TGFBR2: variants seen among roughly 807,000 people sequenced by gnomAD.
The protein encoded by TGFBR2 is transforming growth factor beta receptor 2.
TGFBR2 carries 18 observed loss-of-function variants against 49.0 expected under a neutral mutation model. The ratio of observed to expected loss-of-function variants is 0.37; its 90% CI spans 0.25 to 0.54. The LOEUF (loss-of-function observed/expected upper bound fraction) is 0.54. Ranked by LOEUF, TGFBR2 falls within the 20% of genes least tolerant of loss-of-function variation. The pLI, the probability that TGFBR2 is intolerant of heterozygous loss-of-function variation, is 0.85. For missense variants in TGFBR2, 525 were observed against 722.6 expected (o/e 0.73, Z 3.13); for synonymous variants, 282 against 275.9 (o/e 1.02, Z -0.22).
intron 3 of TGFBR2, among the ~76,000 whole-genome samples, chr3:30,657,991 G>A (rs1699039906): frequency 6.6e-6 from 1 of 152,172 alleles, no homozygotes; most frequent in Non-Finnish European, 1.5e-5. Flanking sequence ...TACCGAGCAG[G>A]GGTCTGCAAA....
At chr3:30,622,130 A>G (rs1437661723) in intron 1 of TGFBR2, among the ~76,000 whole-genome samples, 1 of 152,228 alleles carries the variant, frequency 6.6e-6, no homozygotes, top group Non-Finnish European at 1.5e-5. Flanking sequence ...TTTGATTATG[A>G]TCAGCACTTT....
chr3:30,645,305 C>T (rs1269418383), intron 2 of TGFBR2, among the ~76,000 whole-genome samples: 1 of 152,034 alleles, frequency 6.6e-6, no homozygotes, highest in African/African-American at 2.4e-5. Flanking sequence ...GAGGCAATCT[C>T]AGGTCTGGAA....
At position 30,692,653 on chromosome 3, in the gene TGFBR2, A is replaced by C. The variant is rs1311106061; in HGVS notation, c.*1054A>C. 3 of 233,102 alleles carry C rather than the reference A, an allele frequency of 1.3e-5. No individual in the cohort carries two copies. The Admixed American group carries it at 1.7e-4, about 13-fold the overall frequency. 14.4% of individuals were successfully genotyped at this position (233,102 alleles called of 1,614,324 possible). On this transcript the variant is annotated 3_prime_UTR_variant, in exon 7 of 7. Coordinates refer to ENST00000295754, the MANE Select transcript of TGFBR2 (RefSeq NM_003242.6). ...TTCTATACAAACACCAATGGGTTCC[A>C]TCTTTCTGGGCTCCTGATTGCTCAA...
intron 3 of TGFBR2, among the ~76,000 whole-genome samples, chr3:30,658,874 C>T (rs1575151136): frequency 6.6e-6 from 1 of 152,242 alleles, no homozygotes; most frequent in South Asian, 2.1e-4. Flanking sequence ...TCCTTAATGT[C>T]GTTGCTTTAC....
rs1332891230 is a variant in TGFBR2, at chr3:30,692,716, A to G, written c.*1117A>G. Reference sequence around the variant, plus strand: ...CTGATGAAGAGGATTTCAACTACACAATACTATCATTGTCAGGACTATGAC... The same window carrying G: ...CTGATGAAGAGGATTTCAACTACACGATACTATCATTGTCAGGACTATGAC... On this transcript the variant is annotated 3_prime_UTR_variant, in exon 7 of 7. Coordinates refer to ENST00000295754, the MANE Select transcript of TGFBR2 (RefSeq NM_003242.6). 3 of 232,980 alleles carry G rather than the reference A, an allele frequency of 1.3e-5. No homozygotes were observed. Among genetic ancestry groups the G allele is most frequent in the African/African-American group, 2.2e-5 (1 of 45,194 alleles). 14.4% of individuals were successfully genotyped at this position (232,980 alleles called of 1,614,324 possible).
chr3:30,608,113 A>G (rs1325118516), intron 1 of TGFBR2, among the ~76,000 whole-genome samples: 1 of 151,694 alleles, frequency 6.6e-6, no homozygotes, highest in Non-Finnish European at 1.5e-5. Context: ...TAATTTTTGT[A>G]TTTTTAGTAG....
chr3:30,639,756 C>CA (rs1039372135), intron 1 of TGFBR2, among the ~76,000 whole-genome samples: 1 of 152,064 alleles, frequency 6.6e-6, no homozygotes, highest in African/African-American at 2.4e-5. Context: ...TTTCCCCCCA[C>CA]AAAAAACACT....
intron 1 of TGFBR2, among the ~76,000 whole-genome samples, chr3:30,608,640 A>G (rs1697979067): frequency 6.6e-6 from 1 of 152,192 alleles, no homozygotes. Flanking sequence ...ACTTTTTAAA[A>G]ATTATGGCAT....
At chr3:30,607,507 A>G (rs1307581861) in intron 1 of TGFBR2, among the ~76,000 whole-genome samples, 1 of 152,202 alleles carries the variant, frequency 6.6e-6, no homozygotes, top group Non-Finnish European at 1.5e-5. Context: ...TTTTGGAAAC[A>G]AGTTTCAAGA....
intron 1 of TGFBR2, among the ~76,000 whole-genome samples, chr3:30,620,517 A>C (rs1698210098): frequency 6.6e-6 from 1 of 151,998 alleles, no homozygotes; most frequent in Non-Finnish European, 1.5e-5. Context: ...TGTTCTTTAC[A>C]GTGGAGACTT....
At chr3:30,610,537 G>C (rs955933324) in intron 1 of TGFBR2, among the ~76,000 whole-genome samples, 2 of 152,126 alleles carry the variant, frequency 1.3e-5, no homozygotes, top group African/African-American at 4.8e-5. Context: ...TTGAGGATAG[G>C]CTGGTGGTAG....
At chr3:30,679,560 T>C (rs1699499719) in intron 5 of TGFBR2, among the ~76,000 whole-genome samples, 2 of 152,346 alleles carry the variant, frequency 1.3e-5, no homozygotes, top group South Asian at 4.1e-4. Context: ...AGGCTTCTTA[T>C]TGAAAGTACA....
intron 3 of TGFBR2, among the ~76,000 whole-genome samples, chr3:30,653,280 C>A: frequency 8.6e-6 from 1 of 115,768 alleles, no homozygotes; most frequent in African/African-American, 3.3e-5. Flanking sequence ...GAGACAGAGT[C>A]TCACTCTGTC....
chr3:30,646,996 T>C (rs1352049283), intron 2 of TGFBR2, among the ~76,000 whole-genome samples: 3 of 152,188 alleles, frequency 2.0e-5, no homozygotes, highest in African/African-American at 7.2e-5. Context: ...TTTTGACCTG[T>C]GCTGGCCAAA....
chr3:30,614,106 T>C (rs113946039), intron 1 of TGFBR2, among the ~76,000 whole-genome samples: 6 of 140,146 alleles, frequency 4.3e-5, no homozygotes, highest in Non-Finnish European at 6.0e-5. Flanking sequence ...TCTATACTTT[T>C]TTTCTTTCCT....
intron 1 of TGFBR2, among the ~76,000 whole-genome samples, chr3:30,614,612 A>G (rs1698097587): frequency 1.3e-5 from 2 of 152,212 alleles, no homozygotes; most frequent in Non-Finnish European, 2.9e-5. Flanking sequence ...CTAATTTCCC[A>G]ATAATCATAG....
chr3:30,614,374 A>G lies in TGFBR2; in HGVS notation c.94+7397A>G, dbSNP rs559554014. On this transcript the variant is annotated intron_variant, in intron 1 of 6. Transcript: ENST00000295754. ...GAACTAGGGATTTGGTTGAACCAAC[A>G]TGAATGCCTTTGAAAGAAGATATGG... 5.9e-5 allele frequency among the ~76,000 whole-genome samples: 9 copies of G among 152,310 alleles called. No homozygotes were observed. In the South Asian group the frequency reaches 1.9e-3, roughly 32 times the overall value.
At position 30,692,259 on chromosome 3, in the gene TGFBR2, C is replaced by A. The variant is rs1368902572; in HGVS notation, c.*660C>A. The A allele has an allele frequency of 8.7e-6, 2 of 229,572 alleles. No individual in the cohort carries two copies. Among genetic ancestry groups the A allele is most frequent in the East Asian group, 1.2e-4 (2 of 16,210 alleles). The allele number at this position is 229,572 out of a possible 1,614,324, so 14.2% of individuals were successfully genotyped here. ...GTGGCACTGTTTGAGGACCAGTGTT[C>A]CCGGGGTTCCTGTGTGCCCTTATTT... On this transcript the variant is annotated 3_prime_UTR_variant, in exon 7 of 7. Coordinates refer to ENST00000295754, the MANE Select transcript of TGFBR2 (RefSeq NM_003242.6).
chr3:30,677,656 G>C (rs912400880), intron 5 of TGFBR2, among the ~76,000 whole-genome samples: 4 of 152,126 alleles, frequency 2.6e-5, no homozygotes, highest in Non-Finnish European at 4.4e-5. Flanking sequence ...AGTTTCAGAG[G>C]CTTTTCTTTT....
Sources: gnomAD v4.1 joint callset for allele counts (sites outside exome capture counted in the v4.1 genomes callset) on GRCh38, gnomAD v4.1.1 for gene constraint, MANE v1.5 for transcripts, NCBI Gene and HGNC (gene_info 2026-07-23, HGNC 2026-07-21) for gene names.